TSHZ2: variants seen among roughly 807,000 people sequenced by gnomAD.
TSHZ2 encodes teashirt zinc finger homeobox 2.
In TSHZ2, 21 loss-of-function variants were observed where a neutral mutation model predicts 74.4. The observed-to-expected ratio is 0.28, with a 90% CI of 0.20 to 0.41. The LOEUF (loss-of-function observed/expected upper bound fraction) is 0.41, where lower values mean the gene tolerates loss of function less well. Ranked by LOEUF, TSHZ2 falls within the 10% of genes least tolerant of loss-of-function variation. TSHZ2 has a pLI of 1.00. For missense variants in TSHZ2, 1,244 were observed against 1,293.5 expected (o/e 0.96, Z 0.59); for synonymous variants, 540 against 515.3 (o/e 1.05, Z -0.65).
chr20:53,342,962 T>C (rs1055096428), intron 2 of TSHZ2, among the ~76,000 whole-genome samples: 5 of 114,378 alleles, frequency 4.4e-5, no homozygotes, highest in Admixed American at 8.3e-5. Context: ...TTTCTTTTTT[T>C]TTTTTTTTTT....
intron 1 of TSHZ2, among the ~76,000 whole-genome samples, chr20:53,033,082 T>C (rs944605607): frequency 3.9e-5 from 6 of 152,234 alleles, no homozygotes; most frequent in African/African-American, 1.4e-4. Flanking sequence ...AGAAAGTTGA[T>C]AGAACTTGAT....
At chr20:53,394,210 A>AGGT (rs1238157710) in intron 2 of TSHZ2, among the ~76,000 whole-genome samples, 1 of 152,204 alleles carries the variant, frequency 6.6e-6, no homozygotes, top group Non-Finnish European at 1.5e-5. Context: ...TGTATGTAAA[A>AGGT]GGTGGTCAAT....
intron 1 of TSHZ2, among the ~76,000 whole-genome samples, chr20:53,224,566 G>C (rs1187866716): frequency 6.6e-6 from 1 of 152,176 alleles, no homozygotes; most frequent in Non-Finnish European, 1.5e-5. Context: ...CTTAAGAAAT[G>C]AGGCTGGGTG....
chr20:53,430,838 C>T (rs969270014), intron 2 of TSHZ2, among the ~76,000 whole-genome samples: 3 of 152,106 alleles, frequency 2.0e-5, no homozygotes, highest in Non-Finnish European at 4.4e-5. Flanking sequence ...GGCTCACTAC[C>T]TCCTCCTCCC....
chr20:53,064,191 G>A (rs933209206), intron 1 of TSHZ2, among the ~76,000 whole-genome samples: 6 of 152,084 alleles, frequency 3.9e-5, no homozygotes, highest in African/African-American at 1.2e-4. Context: ...GATGGGATCC[G>A]AATGGGGAAA....
intron 1 of TSHZ2, among the ~76,000 whole-genome samples, chr20:53,075,026 A>G (rs896178654): frequency 6.6e-6 from 1 of 152,218 alleles, no homozygotes; most frequent in African/African-American, 2.4e-5. Flanking sequence ...CTCCAGTCAC[A>G]TTTTGAAATT....
intron 2 of TSHZ2, among the ~76,000 whole-genome samples, chr20:53,462,941 C>A (rs940229326): frequency 6.6e-6 from 1 of 152,186 alleles, no homozygotes; most frequent in Admixed American, 6.5e-5. Flanking sequence ...GCATAATGGT[C>A]ATGCTGATCA....
chr20:53,225,236 A>G (rs1044776222), intron 1 of TSHZ2, among the ~76,000 whole-genome samples: 4 of 151,984 alleles, frequency 2.6e-5, no homozygotes, highest in South Asian at 4.2e-4. Flanking sequence ...AGGCAGACCC[A>G]CTCTTCTTTC....
intron 1 of TSHZ2, among the ~76,000 whole-genome samples, chr20:53,044,165 G>A (rs1401006128): frequency 2.6e-5 from 4 of 152,196 alleles, no homozygotes; most frequent in Non-Finnish European, 4.4e-5. Context: ...TTTGGAATAC[G>A]TGCAAAGAGC....
chr20:53,068,118 A>G (rs1985050385), intron 1 of TSHZ2, among the ~76,000 whole-genome samples: 2 of 152,184 alleles, frequency 1.3e-5, no homozygotes, highest in Non-Finnish European at 2.9e-5. Context: ...ACAAGGACCA[A>G]TCCTAAAGAC....
At chr20:53,014,388 C>T (rs994267050) in intron 1 of TSHZ2, among the ~76,000 whole-genome samples, 12 of 152,206 alleles carry the variant, frequency 7.9e-5, no homozygotes, top group East Asian at 1.9e-4. Context: ...ATAATTCAGT[C>T]GATAGCAGCA....
chr20:53,170,954 TAA>T (rs11398230), intron 1 of TSHZ2, among the ~76,000 whole-genome samples: 5 of 144,592 alleles, frequency 3.5e-5, no homozygotes, highest in African/African-American at 7.6e-5. Context: ...AAAAAGTAAT[TAA>T]AAAAAAAAAA....
intron 1 of TSHZ2, among the ~76,000 whole-genome samples, chr20:53,176,154 A>ATC (rs1341310038): frequency 1.3e-5 from 2 of 152,182 alleles, no homozygotes; most frequent in African/African-American, 4.8e-5. Context: ...TTCTAAGGTC[A>ATC]TCTTCAGGCT....
At chr20:53,119,328 C>A (rs969441014) in intron 1 of TSHZ2, among the ~76,000 whole-genome samples, 4 of 152,194 alleles carry the variant, frequency 2.6e-5, no homozygotes, top group African/African-American at 9.7e-5. Flanking sequence ...ATCGGTGTCA[C>A]ATCAATGAGT....
chr20:53,233,428 T>A (rs539193464), intron 1 of TSHZ2, among the ~76,000 whole-genome samples: 5 of 152,318 alleles, frequency 3.3e-5, no homozygotes, highest in African/African-American at 9.6e-5. Flanking sequence ...GAAAAGATCT[T>A]CTAAGGGTGA....
At chr20:52,977,457 C>CTG (rs1981388296) in intron 1 of TSHZ2, among the ~76,000 whole-genome samples, 2 of 144,496 alleles carry the variant, frequency 1.4e-5, no homozygotes, top group Non-Finnish European at 3.0e-5. Context: ...CACACACACA[C>CTG]ACACACACAC....
At chr20:53,486,395 T>C (rs1986290489) in intron 2 of TSHZ2, among the ~76,000 whole-genome samples, 1 of 152,174 alleles carries the variant, frequency 6.6e-6, no homozygotes, top group South Asian at 2.1e-4. Context: ...TTAAAAATAT[T>C]TTTTTTCTTA....
chr20:53,014,571 C>A (rs191691150), intron 1 of TSHZ2, among the ~76,000 whole-genome samples: 1 of 152,100 alleles, frequency 6.6e-6, no homozygotes, highest in Non-Finnish European at 1.5e-5. Context: ...TGCTCTCTGC[C>A]CTGCCTCAAG....
At position 53,120,738 on chromosome 20, in the gene TSHZ2, T is replaced by G. The variant is rs145980493; in HGVS notation, c.41-132761T>G. Among the ~76,000 whole-genome samples, 500 of 152,340 alleles carry G rather than the reference T, an allele frequency of 3.3e-3. 2 individuals are homozygous for G. Among genetic ancestry groups the G allele is most frequent in the African/African-American group, 0.012 (484 of 41,574 alleles). ...TCCAAAGACAGGACCCCTGGTGATATTACCTGTGTCTTAGGCAAAGAGCAA... is the reference window on the plus strand; with the variant it reads ...TCCAAAGACAGGACCCCTGGTGATAGTACCTGTGTCTTAGGCAAAGAGCAA... On this transcript the variant is annotated intron_variant, in intron 1 of 2. Transcript: ENST00000371497.
Sources: gnomAD v4.1 joint callset for allele counts (sites outside exome capture counted in the v4.1 genomes callset) on GRCh38, gnomAD v4.1.1 for gene constraint, MANE v1.5 for transcripts, NCBI Gene and HGNC (gene_info 2026-07-23, HGNC 2026-07-21) for gene names.